The following SGK1 variants were observed in gnomAD, a reference collection of about 807,000 sequenced individuals.
The protein encoded by SGK1 is serine/threonine-protein kinase Sgk1.
In SGK1, 26 loss-of-function variants were observed where a neutral mutation model predicts 64.2. That is an observed-to-expected ratio of 0.40 (90% CI 0.30 to 0.56). The LOEUF (loss-of-function observed/expected upper bound fraction) is 0.56, where lower values mean the gene tolerates loss of function less well. SGK1 is among the 20% of genes least tolerant of loss of function. SGK1 has a pLI of 0.38. For synonymous variants in SGK1, 265 were observed against 239.7 expected (o/e 1.11, Z -0.98); for missense variants, 519 against 645.6 (o/e 0.80, Z 2.12).
intron 3 of SGK1, among the ~76,000 whole-genome samples, chr6:134,181,877 A>G (rs1775336649): frequency 6.6e-6 from 1 of 151,970 alleles, no homozygotes; most frequent in Non-Finnish European, 1.5e-5. Context: ...TTTTGTTTTG[A>G]TATGGAGTCT....
intron 2 of SGK1, among the ~76,000 whole-genome samples, chr6:134,208,907 T>TACACAC (rs1554220973): frequency 6.6e-6 from 1 of 150,666 alleles, no homozygotes; most frequent in South Asian, 2.1e-4. Flanking sequence ...TATATATATA[T>TACACAC]ACACACACAC....
chr6:134,175,750 C>A, intron 3 of SGK1: 1 of 1,353,220 alleles, frequency 7.4e-7, no homozygotes, highest in Non-Finnish European at 9.5e-7. Context: ...TCAGGCCGGG[C>A]AAGATTTCCT....
intron 2 of SGK1, among the ~76,000 whole-genome samples, chr6:134,231,136 CTG>C (rs907711710): frequency 2.6e-5 from 4 of 152,178 alleles, no homozygotes; most frequent in Admixed American, 2.6e-4. Flanking sequence ...CTGCAGTAAA[CTG>C]TGATTGCATT....
At chr6:134,298,606 T>C in intron 1 of SGK1, 1 of 1,068,462 alleles carries the variant, frequency 9.4e-7, no homozygotes. Flanking sequence ...CTGATGCAGG[T>C]ACTGGGCCCA....
chr6:134,201,687 A>T lies in SGK1; in HGVS notation c.361+5669T>A, dbSNP rs555472670. ...TATTATTTCTTGTATTATTAAAATC[A>T]TTTCAGGAATTTGTAAAAGTTACAG... On this transcript the variant is annotated intron_variant, in intron 3 of 13. Transcript: ENST00000367858. 3.9e-5 allele frequency among the ~76,000 whole-genome samples: 6 copies of T among 152,246 alleles called. No individual in the cohort carries two copies. In the South Asian group the frequency reaches 1.2e-3, roughly 32 times the overall value.
chr6:134,259,065 A>C (rs1436905033), intron 2 of SGK1, among the ~76,000 whole-genome samples: 1 of 152,242 alleles, frequency 6.6e-6, no homozygotes, highest in East Asian at 1.9e-4. Flanking sequence ...AAGTCTGGGA[A>C]CCAGGTAATC....
intron 1 of SGK1, among the ~76,000 whole-genome samples, chr6:134,272,179 T>G (rs1373457323): frequency 7.1e-6 from 1 of 141,434 alleles, no homozygotes; most frequent in African/African-American, 2.5e-5. Context: ...CTTGCTCTGT[T>G]GCCCAGGCTG....
intron 1 of SGK1, among the ~76,000 whole-genome samples, chr6:134,289,684 A>G (rs1243150640): frequency 6.6e-6 from 1 of 152,080 alleles, no homozygotes; most frequent in Non-Finnish European, 1.5e-5. Flanking sequence ...GCCACAATTC[A>G]GGTGCTCAAT....
At chr6:134,173,957 G>T in intron 5 of SGK1, 48 bp downstream of exon 5, 1 of 1,283,620 alleles carries the variant, frequency 7.8e-7, no homozygotes, top group Non-Finnish European at 1.1e-6. Flanking sequence ...AATACTAACT[G>T]ACTCCCTTAC....
In SGK1 at chr6:134,248,019, C is replaced by T. The variant is rs564341345; in HGVS notation, c.285+13914G>A. Among the ~76,000 whole-genome samples the T allele has an allele frequency of 2.6e-5, 4 of 152,060 alleles. No individual in the cohort carries two copies. In the South Asian group the frequency reaches 8.3e-4, roughly 32 times the overall value. ...TCTTTGATAAACGGCCAAGTTCTCA[C>T]AGCTGTTATGATTTCAATTATGAAG... is the stretch of plus-strand genomic sequence containing the variant. On this transcript the variant is annotated intron_variant, in intron 2 of 13. Coordinates refer to ENST00000367858, the MANE Select transcript of SGK1 (RefSeq NM_001143676.3).
chr6:134,297,113 G>A (rs1777366152), intron 1 of SGK1: 12 of 534,256 alleles, frequency 2.2e-5, no homozygotes, highest in South Asian at 4.8e-5. Context: ...AGTTCAGGCC[G>A]TAGCTGAGGC....
At chr6:134,174,398 G>T in intron 4 of SGK1, 113 bp downstream of exon 4, 2 of 709,474 alleles carry the variant, frequency 2.8e-6, no homozygotes, top group Non-Finnish European at 2.4e-6. Context: ...GGAGAAATGA[G>T]ATCCCCACCC....
At chr6:134,206,383 A>ATATATTTT (rs1562250478) in intron 3 of SGK1, among the ~76,000 whole-genome samples, 1 of 16,612 alleles carries the variant, frequency 6.0e-5, no homozygotes, top group Non-Finnish European at 1.2e-4. Flanking sequence ...ATATATATAT[A>ATATATTTT]TTTTTTTTTT....
intron 3 of SGK1, chr6:134,177,996 C>T (rs919565019): frequency 1.8e-5 from 11 of 603,324 alleles, no homozygotes; most frequent in African/African-American, 1.9e-5. Context: ...CTTTATTACA[C>T]CCCCAGCACG....
At chr6:134,253,703 A>G (rs1776639589) in intron 2 of SGK1, among the ~76,000 whole-genome samples, 1 of 152,052 alleles carries the variant, frequency 6.6e-6, no homozygotes, top group Admixed American at 6.6e-5. Context: ...TTGTCTTTGT[A>G]ATTTATTGTC....
At chr6:134,265,620 A>G (rs1181884700) in intron 1 of SGK1, among the ~76,000 whole-genome samples, 3 of 126,746 alleles carry the variant, frequency 2.4e-5, no homozygotes, top group Non-Finnish European at 4.7e-5. Flanking sequence ...ATATATATAC[A>G]TATATATATA....
chr6:134,311,353 G>T (rs543020957), intron 1 of SGK1, among the ~76,000 whole-genome samples: 2 of 152,208 alleles, frequency 1.3e-5, no homozygotes, highest in East Asian at 3.9e-4. Context: ...TGTCCTTAAA[G>T]ACCTTCCAGC....
At chr6:134,226,123 A>T (rs984786776) in intron 2 of SGK1, among the ~76,000 whole-genome samples, 1 of 151,786 alleles carries the variant, frequency 6.6e-6, no homozygotes, top group Non-Finnish European at 1.5e-5. Context: ...CTGTCTCAAA[A>T]AGAAAGAAAG....
intron 2 of SGK1, among the ~76,000 whole-genome samples, chr6:134,257,982 C>CTGCA (rs1198442062): frequency 2.0e-5 from 3 of 152,198 alleles, no homozygotes; most frequent in African/African-American, 2.4e-5. Context: ...CTACCGGCTT[C>CTGCA]TGCATCTCAC....
Sources: gnomAD v4.1 joint callset for allele counts (sites outside exome capture counted in the v4.1 genomes callset) on GRCh38, gnomAD v4.1.1 for gene constraint, MANE v1.5 for transcripts, NCBI Gene and HGNC (gene_info 2026-07-23, HGNC 2026-07-21) for gene names.